The following NCK2 variants were observed in gnomAD, a reference collection of about 807,000 sequenced individuals.
NCK2 encodes NCK adaptor protein 2, also known as cytoplasmic protein NCK2.
In NCK2, 16 loss-of-function variants were observed where a neutral mutation model predicts 33.9. The ratio of observed to expected loss-of-function variants is 0.47; its 90% CI spans 0.32 to 0.72. The LOEUF is 0.72. Among genes scored for constraint, NCK2 ranks in the 30% least tolerant of loss-of-function variants. NCK2 has a pLI of 0.03. For synonymous variants in NCK2, 273 were observed against 239.9 expected (o/e 1.14, Z -1.27); for missense variants, 418 against 537.3 (o/e 0.78, Z 2.19).
At chr2:105,845,397 ATT>A (rs3047674) in intron 2 of NCK2, among the ~76,000 whole-genome samples, 117,197 of 146,042 alleles carry the variant, frequency 0.8, 46,943 homozygotes, top group Admixed American at 0.85. Flanking sequence ...TATATTTTGA[ATT>A]TTTTTTTTTT....
At chr2:105,775,634 A>T (rs953746220) in intron 1 of NCK2, among the ~76,000 whole-genome samples, 1 of 152,152 alleles carries the variant, frequency 6.6e-6, no homozygotes, top group African/African-American at 2.4e-5. Context: ...TGTTTCATGC[A>T]ACCTTTCAAG....
chr2:105,769,717 C>G (rs1270903304), intron 1 of NCK2, among the ~76,000 whole-genome samples: 1 of 152,168 alleles, frequency 6.6e-6, no homozygotes, highest in Non-Finnish European at 1.5e-5. Context: ...TTGCACTGTG[C>G]AGTACAGCCA....
chr2:105,822,429 T>C (rs895651759), intron 2 of NCK2, among the ~76,000 whole-genome samples: 4 of 151,946 alleles, frequency 2.6e-5, no homozygotes, highest in South Asian at 2.1e-4. Flanking sequence ...CAGGGGACTT[T>C]GTATTTAACA....
At chr2:105,810,960 G>A (rs1220937600) in intron 1 of NCK2, among the ~76,000 whole-genome samples, 1 of 152,126 alleles carries the variant, frequency 6.6e-6, no homozygotes, top group Non-Finnish European at 1.5e-5. Context: ...CGGATCATGA[G>A]GTCAAGAGAT....
At chr2:105,801,074 G>A (rs142873920) in intron 1 of NCK2, among the ~76,000 whole-genome samples, 99 of 152,354 alleles carry the variant, frequency 6.5e-4, no homozygotes, top group Admixed American at 1.7e-3. Flanking sequence ...AAAGCTGGGC[G>A]TGCTGAGCCC....
chr2:105,848,407 G>A (rs1009122995), intron 2 of NCK2: 1 of 152,204 alleles, frequency 6.6e-6, no homozygotes, highest in Non-Finnish European at 1.5e-5. Flanking sequence ...AGAGTTTACC[G>A]GCAGCAGATT....
At chr2:105,772,810 C>A (rs942824827) in intron 1 of NCK2, among the ~76,000 whole-genome samples, 2 of 151,966 alleles carry the variant, frequency 1.3e-5, no homozygotes, top group African/African-American at 2.4e-5. Flanking sequence ...CAGAGTCCTC[C>A]CTGTCCTTGC....
chr2:105,764,341 G>C (rs903665125), intron 1 of NCK2, among the ~76,000 whole-genome samples: 4 of 152,256 alleles, frequency 2.6e-5, no homozygotes, highest in Admixed American at 2.0e-4. Flanking sequence ...CCCACAGCTC[G>C]AGTGGAAATG....
rs757182579 is a variant in NCK2, at chr2:105,881,333, G to A, written c.232G>A (p.Gly78Ser). ...GCCTTGCTGTGTCTCCACAGGCCTC[G>A]GCAAGACGCGCAGGAAGACCAGCGC... Reference protein sequence around the residue: ...VKNLKDTLGLGKTRRKTSARD... With the variant: ...VKNLKDTLGLSKTRRKTSARD... The change falls in exon 4 of 5, where the codon GGC (glycine) becomes AGC (serine). Residue 78 changes from glycine (G) to serine (S), a missense_variant. Coordinates refer to ENST00000233154, the MANE Select transcript of NCK2 (RefSeq NM_003581.5). 5.0e-6 allele frequency: 8 copies of A among 1,590,770 alleles called. No individual in the cohort carries two copies. The Admixed American group carries it at 8.4e-5, about 17-fold the overall frequency.
intron 1 of NCK2, among the ~76,000 whole-genome samples, chr2:105,747,825 A>T (rs1015400283): frequency 6.6e-6 from 1 of 152,220 alleles, no homozygotes; most frequent in East Asian, 1.9e-4. Flanking sequence ...ATCTTGTTCC[A>T]TGCCTGAGTT....
chr2:105,888,981 T>A (rs1558889509), intron 4 of NCK2, among the ~76,000 whole-genome samples: 1 of 152,260 alleles, frequency 6.6e-6, no homozygotes, highest in Non-Finnish European at 1.5e-5. Flanking sequence ...AGTACTCTAG[T>A]ACTTGTTGAG....
intron 1 of NCK2, among the ~76,000 whole-genome samples, chr2:105,750,914 G>T (rs183084572): frequency 1.3e-5 from 2 of 152,214 alleles, no homozygotes; most frequent in Non-Finnish European, 2.9e-5. Flanking sequence ...CTCTGTGATC[G>T]TGCAGTCTTT....
chr2:105,762,914 G>A (rs116828374), intron 1 of NCK2, among the ~76,000 whole-genome samples: 1,722 of 152,262 alleles, frequency 0.011, 24 homozygotes, highest in Middle Eastern at 0.031. Flanking sequence ...GCAACCTGAG[G>A]CCAGGCGCAG....
At chr2:105,826,395 T>C (rs1675944932) in intron 2 of NCK2, among the ~76,000 whole-genome samples, 1 of 152,140 alleles carries the variant, frequency 6.6e-6, no homozygotes, top group African/African-American at 2.4e-5. Flanking sequence ...ACACAAAGCC[T>C]AACCCCACCA....
chr2:105,784,570 A>G (rs145570678), intron 1 of NCK2, among the ~76,000 whole-genome samples: 3 of 152,348 alleles, frequency 2.0e-5, no homozygotes, highest in Admixed American at 6.5e-5. Context: ...GGTCTTTACA[A>G]TGTAGGTGAG....
chr2:105,845,480 G>A (rs544224904), intron 2 of NCK2, among the ~76,000 whole-genome samples: 2 of 150,716 alleles, frequency 1.3e-5, no homozygotes, highest in Non-Finnish European at 2.9e-5. Context: ...TGCATCCTCC[G>A]CCTCTTGAGC....
In NCK2 at chr2:105,792,957, G is replaced by C. The variant is rs192183271; in HGVS notation, c.-200-23473G>C. ...ATTACCCCGACGTGCAGTTTAGATG[G>C]GAGTCTTTCCCTTTCTCACCAACCG... is the stretch of plus-strand genomic sequence containing the variant. On this transcript the variant is annotated intron_variant, in intron 1 of 4. Coordinates refer to ENST00000233154, the MANE Select transcript of NCK2 (RefSeq NM_003581.5). Among the ~76,000 whole-genome samples the C allele has an allele frequency of 6.6e-4, 101 of 152,258 alleles. No individual in the cohort carries two copies. The Middle Eastern group carries it at 0.014, about 21-fold the overall frequency.
intron 1 of NCK2, among the ~76,000 whole-genome samples, chr2:105,815,779 C>A (rs776387156): frequency 1.3e-5 from 2 of 152,186 alleles, no homozygotes; most frequent in African/African-American, 4.8e-5. Context: ...AAGAGAGGAA[C>A]GAGTCTCTAA....
intron 1 of NCK2, among the ~76,000 whole-genome samples, chr2:105,757,457 A>G (rs1689631385): frequency 6.6e-6 from 1 of 152,194 alleles, no homozygotes; most frequent in Non-Finnish European, 1.5e-5. Context: ...GGCTGGAAGT[A>G]TATGGGTGCA....
Sources: gnomAD v4.1 joint callset for allele counts (sites outside exome capture counted in the v4.1 genomes callset) on GRCh38, gnomAD v4.1.1 for gene constraint, MANE v1.5 for transcripts, NCBI Gene and HGNC (gene_info 2026-07-23, HGNC 2026-07-21) for gene names.